ZFHX4: variants seen among roughly 807,000 people sequenced by gnomAD.
ZFHX4 encodes zinc finger homeobox protein 4.
ZFHX4 carries 56 observed loss-of-function variants against 267.6 expected under a neutral mutation model. The observed-to-expected ratio is 0.21, with a 90% CI of 0.17 to 0.26. The LOEUF is 0.26. ZFHX4 is among the 10% of genes least tolerant of loss of function. ZFHX4 has a pLI of 1.00. For synonymous variants in ZFHX4, 1,778 were observed against 1,665.6 expected (o/e 1.07, Z -1.64); for missense variants, 4,332 against 4,420.0 (o/e 0.98, Z 0.56).
intron 5 of ZFHX4, among the ~76,000 whole-genome samples, chr8:76,834,724 C>G (rs569472570): frequency 1.3e-5 from 2 of 151,962 alleles, no homozygotes; most frequent in African/African-American, 2.4e-5. Flanking sequence ...CAGTATCTTT[C>G]AAAGAGCAAA....
At chr8:76,780,408 A>G (rs1810517499) in intron 4 of ZFHX4, among the ~76,000 whole-genome samples, 1 of 152,196 alleles carries the variant, frequency 6.6e-6, no homozygotes, top group African/African-American at 2.4e-5. Flanking sequence ...GAAAGATGTG[A>G]ACTCATTTGA....
chr8:76,731,481 T>G (rs1333339354), intron 3 of ZFHX4, among the ~76,000 whole-genome samples: 1 of 152,172 alleles, frequency 6.6e-6, no homozygotes, highest in Non-Finnish European at 1.5e-5. Flanking sequence ...AAGGCATTTA[T>G]CTTCTTAGCA....
chr8:76,769,631 C>T (rs767911198), intron 3 of ZFHX4, among the ~76,000 whole-genome samples: 8 of 152,124 alleles, frequency 5.3e-5, no homozygotes, highest in Non-Finnish European at 1.2e-4. Context: ...GGATCATAGG[C>T]GTGAGCCATG....
chr8:76,754,345 C>T (rs189613545), intron 3 of ZFHX4, among the ~76,000 whole-genome samples: 12 of 152,036 alleles, frequency 7.9e-5, no homozygotes, highest in East Asian at 7.8e-4. Flanking sequence ...AAAAATTAGC[C>T]GGGCATGGTG....
chr8:76,838,246 C>A (rs565021622), intron 5 of ZFHX4, among the ~76,000 whole-genome samples: 19 of 152,142 alleles, frequency 1.2e-4, no homozygotes, highest in Non-Finnish European at 2.6e-4. Flanking sequence ...GAGGCAAATT[C>A]TCAGGTTCAG....
At position 76,738,914 on chromosome 8, in the gene ZFHX4, CA is replaced by C. The variant is rs1341125221; in HGVS notation, c.3093+30867del. Among the ~76,000 whole-genome samples the C allele has an allele frequency of 1.6e-4, 24 of 151,948 alleles. 1 individual carries two copies. The highest frequency in any genetic ancestry group is 7.4e-5 in the Non-Finnish European group (5 of 67,990). ...ATTTTTGGTAGAGATGGGGTTTTAC[CA>C]TGTTGCCCAGGCTGGTCTCAAACTC... On this transcript the variant is annotated intron_variant, in intron 3 of 10. Coordinates refer to ENST00000651372, the MANE Select transcript of ZFHX4 (RefSeq NM_024721.5).
At chr8:76,752,336 TA>T (rs1170555584) in intron 3 of ZFHX4, among the ~76,000 whole-genome samples, 10 of 145,312 alleles carry the variant, frequency 6.9e-5, no homozygotes, top group South Asian at 4.4e-4. Context: ...AAAAGAGTAT[TA>T]AAAAAAAAAC....
chr8:76,763,641 A>G (rs1420041794), intron 3 of ZFHX4, among the ~76,000 whole-genome samples: 1 of 152,162 alleles, frequency 6.6e-6, no homozygotes, highest in East Asian at 1.9e-4. Context: ...ACAAACAAAC[A>G]GAAAAACAAG....
intron 5 of ZFHX4, among the ~76,000 whole-genome samples, chr8:76,839,900 T>C (rs1812190148): frequency 6.6e-6 from 1 of 152,202 alleles, no homozygotes. Flanking sequence ...AAGTGGTTTC[T>C]CCACATTCAT....
intron 10 of ZFHX4, among the ~76,000 whole-genome samples, chr8:76,858,377 G>C (rs549260860): frequency 2.6e-5 from 4 of 152,142 alleles, no homozygotes; most frequent in Non-Finnish European, 5.9e-5. Flanking sequence ...AACACACAAG[G>C]TACCCAGGAA....
intron 3 of ZFHX4, among the ~76,000 whole-genome samples, chr8:76,777,864 T>G (rs550618346): frequency 4.4e-4 from 66 of 151,558 alleles, no homozygotes; most frequent in East Asian, 2.1e-3. Flanking sequence ...TTGTTTTTTT[T>G]TTTGTTTGTT....
At chr8:76,701,144 T>G (rs1038494733) in intron 1 of ZFHX4, among the ~76,000 whole-genome samples, 1 of 152,140 alleles carries the variant, frequency 6.6e-6, no homozygotes, top group Non-Finnish European at 1.5e-5. Flanking sequence ...CTATACAAAC[T>G]AAAGTGATTC....
chr8:76,859,078 A>T (rs911032540), intron 10 of ZFHX4, among the ~76,000 whole-genome samples: 6 of 152,196 alleles, frequency 3.9e-5, no homozygotes, highest in African/African-American at 1.4e-4. Flanking sequence ...CGGTTTTAGT[A>T]TTTATCAACT....
At chr8:76,696,340 T>A (rs1454751061) in intron 1 of ZFHX4, among the ~76,000 whole-genome samples, 1 of 152,158 alleles carries the variant, frequency 6.6e-6, no homozygotes, top group Non-Finnish European at 1.5e-5. Flanking sequence ...GTTGGAATTC[T>A]TGTAATTATT....
chr8:76,684,585 G>A (rs1044906819), intron 1 of ZFHX4, among the ~76,000 whole-genome samples: 3 of 152,196 alleles, frequency 2.0e-5, no homozygotes, highest in Non-Finnish European at 2.9e-5. Flanking sequence ...AATCTGAAAA[G>A]TGAAATGTAC....
chr8:76,855,840 C>T lies in ZFHX4; in HGVS notation c.8919C>T (p.Val2973=). 2 of 1,613,806 alleles carry T rather than the reference C, an allele frequency of 1.2e-6. No homozygotes were observed. The highest frequency in any genetic ancestry group is 1.1e-5 in the South Asian group (1 of 91,062). ...GNEIGLPKRV[V]QVWFQNARAK... ...AGATTGGTCTGCCCAAACGCGTAGT[C>T]CAGGTGTGGTTCCAAAATGCAAGGG... is the stretch of plus-strand genomic sequence containing the variant. The change falls in exon 10 of 11, where the codon GTC becomes GTT. Residue 2973 remains valine (V), a synonymous_variant. Transcript: ENST00000651372.
intron 5 of ZFHX4, among the ~76,000 whole-genome samples, chr8:76,835,249 A>ATGTATATATATATATGTATATATATG (rs1259546326): frequency 4.3e-5 from 4 of 93,956 alleles, no homozygotes; most frequent in African/African-American, 8.9e-5. Context: ...ATGTATATAT[A>ATGTATATATATATATGTATATATATG]TATATATATA....
rs777665830 is a variant in ZFHX4, at chr8:76,705,872, C to T, written c.1784C>T (p.Pro595Leu). 1.3e-5 allele frequency: 21 copies of T among 1,613,632 alleles called. No individual in the cohort carries two copies. Among genetic ancestry groups the T allele is most frequent in the Admixed American group, 6.7e-5 (4 of 59,972 alleles). The change falls in exon 2 of 11, where the codon CCG (proline) becomes CTG (leucine). Residue 595 changes from proline (P) to leucine (L), a missense_variant. By Grantham distance (98) the Pro-to-Leu change is moderately conservative (BLOSUM62 -3). Coordinates refer to ENST00000651372, the MANE Select transcript of ZFHX4 (RefSeq NM_024721.5). ...SATPHQHGFT[P>L]STPGTPGPGG... ...ACTCCTCACCAGCATGGCTTTACCC[C>T]GAGTACTCCTGGCACACCAGGGCCT...
Position 76,699,672 on chromosome 8 carries a change from G to A in ZFHX4, c.-46-4371G>A, listed in dbSNP as rs992564420. Among the ~76,000 whole-genome samples the A allele has an allele frequency of 3.3e-5, 5 of 149,546 alleles. No homozygotes were observed. In the South Asian group the frequency reaches 1.1e-3, roughly 32 times the overall value. Reference sequence around the variant, plus strand: ...TTTATAATTATGAATTCCAACTTGGGTAAAAGTGAGGTAGCGATAGTGGTG... The same window carrying A: ...TTTATAATTATGAATTCCAACTTGGATAAAAGTGAGGTAGCGATAGTGGTG... On this transcript the variant is annotated intron_variant, in intron 1 of 10. Transcript: ENST00000651372.
Sources: gnomAD v4.1 joint callset for allele counts (sites outside exome capture counted in the v4.1 genomes callset) on GRCh38, gnomAD v4.1.1 for gene constraint, MANE v1.5 for transcripts, NCBI Gene and HGNC (gene_info 2026-07-23, HGNC 2026-07-21) for gene names.